The following AFF3 variants were observed in gnomAD, a reference collection of about 807,000 sequenced individuals.
AFF3 encodes the protein ALF transcription elongation factor 3, also known as AF4/FMR2 family member 3.
A neutral mutation model predicts 129.7 loss-of-function variants in AFF3; 32 were observed. The observed-to-expected ratio is 0.25, with a 90% CI of 0.19 to 0.33. The LOEUF (loss-of-function observed/expected upper bound fraction) is 0.33, where lower values mean the gene tolerates loss of function less well. AFF3 is among the 10% of genes least tolerant of loss of function. AFF3 has a pLI of 1.00. For synonymous variants in AFF3, 644 were observed against 635.4 expected (o/e 1.01, Z -0.20); for missense variants, 1,373 against 1,592.0 (o/e 0.86, Z 2.34).
chr2:99,817,461 T>A (rs190957582), intron 8 of AFF3, among the ~76,000 whole-genome samples: 5 of 152,344 alleles, frequency 3.3e-5, no homozygotes, highest in African/African-American at 1.2e-4. Flanking sequence ...GAGTTTTCTG[T>A]TTCTTTGGCT....
intron 7 of AFF3, among the ~76,000 whole-genome samples, chr2:99,998,447 G>A (rs1047653853): frequency 2.0e-5 from 3 of 152,112 alleles, no homozygotes; most frequent in African/African-American, 7.2e-5. Context: ...TCGGGGGATG[G>A]AGGAGGTCTT....
intron 4 of AFF3, among the ~76,000 whole-genome samples, chr2:100,042,717 A>G (rs1239834997): frequency 6.6e-6 from 1 of 152,244 alleles, no homozygotes; most frequent in Non-Finnish European, 1.5e-5. Context: ...GGAAATGCTA[A>G]TGACCTAGGC....
At chr2:100,069,504 C>G (rs1383362606) in intron 4 of AFF3, among the ~76,000 whole-genome samples, 1 of 152,102 alleles carries the variant, frequency 6.6e-6, no homozygotes, top group Non-Finnish European at 1.5e-5. Flanking sequence ...TAGTATGATG[C>G]CTCTACCTAG....
chr2:99,628,207 G>A (rs570664196), intron 13 of AFF3, among the ~76,000 whole-genome samples: 1 of 152,282 alleles, frequency 6.6e-6, no homozygotes, highest in South Asian at 2.1e-4. Flanking sequence ...AGCATAAAAT[G>A]TTTATTCATT....
At chr2:99,670,532 T>C (rs1230816717) in intron 12 of AFF3, among the ~76,000 whole-genome samples, 5 of 100,276 alleles carry the variant, frequency 5.0e-5, no homozygotes, top group African/African-American at 2.4e-4. Flanking sequence ...TGAGTGTATG[T>C]GTCTGTGTGT....
intron 8 of AFF3, among the ~76,000 whole-genome samples, chr2:99,763,879 T>C (rs960801193): frequency 2.6e-5 from 4 of 152,226 alleles, no homozygotes; most frequent in Admixed American, 2.6e-4. Context: ...ACGTGTTTTC[T>C]GGTCTTATAC....
At chr2:99,812,803 A>AT in intron 8 of AFF3, among the ~76,000 whole-genome samples, 1 of 152,034 alleles carries the variant, frequency 6.6e-6, no homozygotes, top group South Asian at 2.1e-4. Context: ...GTCAACATTA[A>AT]TTTTTTTTCT....
intron 10 of AFF3, among the ~76,000 whole-genome samples, chr2:99,731,341 T>C (rs576653728): frequency 3.9e-5 from 6 of 152,358 alleles, no homozygotes; most frequent in East Asian, 1.9e-4. Context: ...AGGTATTTAA[T>C]AGTCTCCCCT....
At chr2:100,019,528 A>G (rs1434403362) in intron 4 of AFF3, among the ~76,000 whole-genome samples, 1 of 152,142 alleles carries the variant, frequency 6.6e-6, no homozygotes, top group Non-Finnish European at 1.5e-5. Context: ...TAAGCTCACT[A>G]ATGTACCTGA....
intron 7 of AFF3, among the ~76,000 whole-genome samples, chr2:99,994,640 G>A (rs374142578): frequency 6.6e-6 from 1 of 152,204 alleles, no homozygotes; most frequent in Non-Finnish European, 1.5e-5. Context: ...ATAATCTGGT[G>A]GGAAAACTAG....
intron 4 of AFF3, among the ~76,000 whole-genome samples, chr2:100,052,303 T>C (rs1686399805): frequency 6.6e-6 from 1 of 152,104 alleles, no homozygotes; most frequent in African/African-American, 2.4e-5. Flanking sequence ...TTTCTGAAAA[T>C]CCACAAAACT....
intron 21 of AFF3, among the ~76,000 whole-genome samples, chr2:99,559,192 A>G (rs1403186897): frequency 6.6e-6 from 1 of 152,248 alleles, no homozygotes; most frequent in Non-Finnish European, 1.5e-5. Flanking sequence ...TTATCACTAG[A>G]TAATTTTACA....
At chr2:99,813,670 C>T (rs187642648) in intron 8 of AFF3, among the ~76,000 whole-genome samples, 413 of 152,294 alleles carry the variant, frequency 2.7e-3, no homozygotes, top group Non-Finnish European at 4.9e-3. Context: ...GGAGAACAAA[C>T]ACACCTACTT....
At chr2:99,952,848 A>C (rs919861050) in intron 7 of AFF3, among the ~76,000 whole-genome samples, 8 of 152,132 alleles carry the variant, frequency 5.3e-5, no homozygotes, top group African/African-American at 1.9e-4. Context: ...CTTGGGTGCA[A>C]ATCCTGCCTC....
At chr2:99,610,018 ATTC>A (rs1680763266) in intron 13 of AFF3, among the ~76,000 whole-genome samples, 2 of 152,152 alleles carry the variant, frequency 1.3e-5, no homozygotes, top group Admixed American at 6.5e-5. Flanking sequence ...ACCTCGTGAC[ATTC>A]TTCTTCTGGA....
At chr2:99,650,426 GCA>G (rs1347027742) in intron 12 of AFF3, among the ~76,000 whole-genome samples, 41 of 152,224 alleles carry the variant, frequency 2.7e-4, no homozygotes, top group African/African-American at 9.4e-4. Flanking sequence ...GGGTGTGGTG[GCA>G]TGCGCCTGTA....
At chr2:100,013,894 C>T (rs1303006517) in intron 4 of AFF3, among the ~76,000 whole-genome samples, 5 of 152,140 alleles carry the variant, frequency 3.3e-5, no homozygotes, top group South Asian at 2.1e-4. Context: ...AGTTGCCCAG[C>T]GAGGGCTACT....
intron 7 of AFF3, among the ~76,000 whole-genome samples, chr2:99,997,511 C>T (rs1680964227): frequency 6.6e-6 from 1 of 151,548 alleles, no homozygotes; most frequent in Admixed American, 6.6e-5. Context: ...CCTGCCAAGC[C>T]ATGTTCCACT....
At chr2:100,051,758 C>T (rs1686354615) in intron 4 of AFF3, among the ~76,000 whole-genome samples, 1 of 152,016 alleles carries the variant, frequency 6.6e-6, no homozygotes, top group Admixed American at 6.5e-5. Flanking sequence ...AAGGGACAGC[C>T]CAGATAAAGG....
Sources: allele counts gnomAD v4.1 joint callset (sites outside exome capture counted in the v4.1 genomes callset), GRCh38; gene constraint gnomAD v4.1.1; transcripts MANE v1.5; gene names NCBI Gene and HGNC (gene_info 2026-07-23, HGNC 2026-07-21).